The following RPTOR variants were observed in gnomAD, a reference collection of about 807,000 sequenced individuals.
RPTOR encodes regulatory associated protein of MTOR complex 1.
Under a neutral mutation model 169.9 loss-of-function variants are expected in RPTOR, and 21 were observed. The ratio of observed to expected loss-of-function variants is 0.12; its 90% CI spans 0.09 to 0.18. The LOEUF (loss-of-function observed/expected upper bound fraction) is 0.18, where lower values mean the gene tolerates loss of function less well. Among genes scored for constraint, RPTOR ranks in the 10% least tolerant of loss-of-function variants. The pLI, the probability that RPTOR is intolerant of heterozygous loss-of-function variation, is 1.00. For synonymous variants in RPTOR, 732 were observed against 753.2 expected (o/e 0.97, Z 0.46); for missense variants, 1,133 against 1,855.9 (o/e 0.61, Z 7.16).
At chr17:80,951,307 G>A (rs577276644) in intron 28 of RPTOR, among the ~76,000 whole-genome samples, 58 of 152,364 alleles carry the variant, frequency 3.8e-4, no homozygotes, top group African/African-American at 1.3e-3. Flanking sequence ...CAGTCTCTCC[G>A]GGTCAGGATG....
rs1183527384 is a variant in RPTOR at position 80,659,544 on chromosome 17, T to C, written c.348+15734T>C. Among the ~76,000 whole-genome samples the C allele has an allele frequency of 1.3e-5, 2 of 152,146 alleles. No homozygotes were observed. The highest frequency in any genetic ancestry group is 1.3e-4 in the Admixed American group (2 of 15,276). On this transcript the variant is annotated intron_variant, in intron 3 of 33. Transcript: ENST00000306801. This position sits in a 1 kb window ranked among gnomAD's most constrained non-coding sequence, Gnocchi z 4.3. ...TTTTTTTTCAGTTGGAGTTTCTCTC[T>C]GTCGCCAGGCTGGATACAGTGGCAC...
intron 30 of RPTOR, among the ~76,000 whole-genome samples, chr17:80,961,167 C>G (rs1390003842): frequency 1.3e-5 from 2 of 152,234 alleles, no homozygotes; most frequent in African/African-American, 4.8e-5. Context: ...TGACCTAGGG[C>G]CCAGCCCTGA....
At chr17:80,696,787 G>A (rs2066040869) in intron 3 of RPTOR, among the ~76,000 whole-genome samples, 1 of 152,210 alleles carries the variant, frequency 6.6e-6, no homozygotes, top group Non-Finnish European at 1.5e-5. Context: ...CAATACAGGA[G>A]CAAACTCCAT....
intron 6 of RPTOR, among the ~76,000 whole-genome samples, chr17:80,760,769 T>C (rs2066729445): frequency 6.6e-6 from 1 of 152,114 alleles, no homozygotes; most frequent in South Asian, 2.1e-4. Context: ...CTCGGGAAGG[T>C]GGATTCCCTC....
At chr17:80,704,833 G>T (rs2066130197) in intron 3 of RPTOR, among the ~76,000 whole-genome samples, 2 of 152,262 alleles carry the variant, frequency 1.3e-5, no homozygotes, top group African/African-American at 4.8e-5. Flanking sequence ...AATTGAGATA[G>T]CTGCACATGA....
intron 17 of RPTOR, among the ~76,000 whole-genome samples, chr17:80,889,342 G>A (rs2068287366): frequency 6.6e-6 from 1 of 152,210 alleles, no homozygotes; most frequent in African/African-American, 2.4e-5. Flanking sequence ...GCTGACAGGT[G>A]AAAGTATGAG....
rs982973556 is a variant in RPTOR, at chr17:80,721,017, G to T, written c.508-9543G>T. Among the ~76,000 whole-genome samples, 1 of 150,980 alleles carries T rather than the reference G, an allele frequency of 6.6e-6. No homozygotes were observed. Among genetic ancestry groups the T allele is most frequent in the Non-Finnish European group, 1.5e-5 (1 of 67,998 alleles). On this transcript the variant is annotated intron_variant, in intron 4 of 33. Transcript: ENST00000306801. This position sits in a 1 kb window ranked among gnomAD's most constrained non-coding sequence, Gnocchi z 4.7. ...TTGTTTTCCATCTCTAATTTTAGCCGTCTAGGGCAGAAACAGTCCCGGGTA... is the reference window on the plus strand; with the variant it reads ...TTGTTTTCCATCTCTAATTTTAGCCTTCTAGGGCAGAAACAGTCCCGGGTA...
At position 80,758,742 on chromosome 17, in the gene RPTOR, C is replaced by T. The variant is rs550729013; in HGVS notation, c.830+4557C>T. On this transcript the variant is annotated intron_variant, in intron 6 of 33. Transcript: ENST00000306801. ...TGGTGCCCCCTGACTCCAGAATCAA[C>T]ACCACACCAGCTCTGCCTTTAGACT... Among the ~76,000 whole-genome samples the T allele has an allele frequency of 1.2e-4, 18 of 152,172 alleles. No individual in the cohort carries two copies. The South Asian group carries it at 3.7e-3, about 32-fold the overall frequency.
chr17:80,714,083 C>A (rs894805664), intron 4 of RPTOR, among the ~76,000 whole-genome samples: 1 of 152,004 alleles, frequency 6.6e-6, no homozygotes, highest in Non-Finnish European at 1.5e-5. Flanking sequence ...GGACTACAGG[C>A]GCCCACCACC....
intron 25 of RPTOR, among the ~76,000 whole-genome samples, chr17:80,943,940 G>A (rs955297815): frequency 2.0e-5 from 3 of 152,224 alleles, no homozygotes; most frequent in Non-Finnish European, 2.9e-5. Context: ...ACAGGTGACC[G>A]CAGCCAAGGC....
chr17:80,880,749 T>C (rs1194521140), intron 14 of RPTOR, among the ~76,000 whole-genome samples: 1 of 152,208 alleles, frequency 6.6e-6, no homozygotes, highest in African/African-American at 2.4e-5. Context: ...TTTTAGTTTA[T>C]TTTAGTCTCT....
At chr17:80,582,653 C>T (rs984932458) in intron 1 of RPTOR, among the ~76,000 whole-genome samples, 2 of 149,472 alleles carry the variant, frequency 1.3e-5, no homozygotes, top group African/African-American at 5.0e-5. Flanking sequence ...TCAAGCGATT[C>T]TCCTGCCTCA....
chr17:80,630,783 G>C (rs34760119), intron 2 of RPTOR, among the ~76,000 whole-genome samples: 1 of 152,194 alleles, frequency 6.6e-6, no homozygotes, highest in African/African-American at 2.4e-5. Flanking sequence ...TTTTCCCAGG[G>C]CTCCTGCTCC....
At chr17:80,723,851 A>C (rs954872867) in intron 4 of RPTOR, among the ~76,000 whole-genome samples, 2 of 151,440 alleles carry the variant, frequency 1.3e-5, no homozygotes, top group African/African-American at 4.9e-5. Context: ...TCTTTCCAGA[A>C]GTTTGGTGAT....
At chr17:80,865,655 C>T (rs894577690) in intron 13 of RPTOR, among the ~76,000 whole-genome samples, 1 of 152,076 alleles carries the variant, frequency 6.6e-6, no homozygotes, top group African/African-American at 2.4e-5. Context: ...CAAAATACAT[C>T]CAACAAAACT....
chr17:80,740,000 GA>G (rs536333624), intron 5 of RPTOR, among the ~76,000 whole-genome samples: 2 of 151,590 alleles, frequency 1.3e-5, no homozygotes, highest in African/African-American at 2.4e-5. Context: ...CTGATTCTCA[GA>G]AAAAAAATCA....
chr17:80,631,596 G>A (rs2065442885), intron 2 of RPTOR, among the ~76,000 whole-genome samples: 1 of 152,164 alleles, frequency 6.6e-6, no homozygotes, highest in South Asian at 2.1e-4. Flanking sequence ...GAAAAGTGAT[G>A]ATGTCAGTGA....
At chr17:80,914,503 G>A (rs2068649568) in intron 21 of RPTOR, among the ~76,000 whole-genome samples, 1 of 152,188 alleles carries the variant, frequency 6.6e-6, no homozygotes, top group African/African-American at 2.4e-5. Flanking sequence ...GTGCTCTCAG[G>A]GGCCCAGGAA....
chr17:80,631,527 G>A (rs939591384), intron 2 of RPTOR, among the ~76,000 whole-genome samples: 3 of 152,174 alleles, frequency 2.0e-5, no homozygotes, highest in Admixed American at 2.0e-4. Context: ...TCTCGGAGAG[G>A]ACGGGCCTGT....
Sources: gnomAD v4.1 joint callset for allele counts (sites outside exome capture counted in the v4.1 genomes callset) on GRCh38, gnomAD v4.1.1 for gene constraint, Gnocchi (gnomAD v3.1) non-coding constraint, MANE v1.5 for transcripts, NCBI Gene and HGNC (gene_info 2026-07-23, HGNC 2026-07-21) for gene names.